Variants in PIEZO2 observed in about 807,000 individuals in gnomAD.
PIEZO2 encodes the protein piezo-type mechanosensitive ion channel component 2.
A neutral mutation model predicts 337.3 loss-of-function variants in PIEZO2; 172 were observed. The observed-to-expected ratio is 0.51, with a 90% CI of 0.45 to 0.58. The LOEUF is 0.58. PIEZO2 is among the 20% of genes least tolerant of loss of function. The pLI, the probability that PIEZO2 is intolerant of heterozygous loss-of-function variation, is 0.00. For synonymous variants in PIEZO2, 1,251 were observed against 1,228.5 expected (o/e 1.02, Z -0.38); for missense variants, 3,028 against 3,391.3 (o/e 0.89, Z 2.66).
chr18:10,841,832 C>A (rs1194817056), intron 7 of PIEZO2, among the ~76,000 whole-genome samples: 1 of 151,638 alleles, frequency 6.6e-6, no homozygotes, highest in African/African-American at 2.4e-5. Flanking sequence ...ATTTTTTTTA[C>A]AGGATTAAAT....
intron 1 of PIEZO2, among the ~76,000 whole-genome samples, chr18:11,139,940 T>C (rs2040595559): frequency 6.6e-6 from 1 of 152,166 alleles, no homozygotes; most frequent in African/African-American, 2.4e-5. Context: ...CCCAATGCCG[T>C]AGGACTCTCA....
At chr18:10,723,489 T>C (rs187029421) in intron 36 of PIEZO2, among the ~76,000 whole-genome samples, 55 of 152,230 alleles carry the variant, frequency 3.6e-4, no homozygotes, top group Middle Eastern at 6.8e-3. Flanking sequence ...AGTGGGGCTG[T>C]AGCTGGAGGA....
chr18:10,807,538 T>C (rs1454988439), intron 7 of PIEZO2, among the ~76,000 whole-genome samples: 2 of 152,216 alleles, frequency 1.3e-5, no homozygotes, highest in Non-Finnish European at 2.9e-5. Flanking sequence ...AACCAGAAGA[T>C]CTTTACATCA....
At chr18:11,079,131 A>C (rs1368686693) in intron 1 of PIEZO2, among the ~76,000 whole-genome samples, 3 of 152,186 alleles carry the variant, frequency 2.0e-5, no homozygotes, top group Non-Finnish European at 4.4e-5. Context: ...GATTTAAAAA[A>C]TCTCAGGTCT....
At chr18:11,065,418 G>C (rs1362850473) in intron 2 of PIEZO2, among the ~76,000 whole-genome samples, 2 of 152,212 alleles carry the variant, frequency 1.3e-5, no homozygotes. Context: ...AATTAACTCA[G>C]TGTGGTTTAA....
At chr18:10,917,781 T>C (rs1172842854) in intron 3 of PIEZO2, among the ~76,000 whole-genome samples, 5 of 152,196 alleles carry the variant, frequency 3.3e-5, no homozygotes, top group African/African-American at 4.8e-5. Flanking sequence ...TTTCACATAC[T>C]GTAGGGGCTG....
chr18:10,811,675 G>C (rs1297068974), intron 7 of PIEZO2, among the ~76,000 whole-genome samples: 1 of 152,174 alleles, frequency 6.6e-6, no homozygotes, highest in Non-Finnish European at 1.5e-5. Context: ...GGCAACAAAA[G>C]TGCACTTTTA....
rs548185964 is a variant in PIEZO2, at chr18:10,773,108, A to C, written c.2785+304T>G. Among the ~76,000 whole-genome samples, 13 of 151,718 alleles carry C rather than the reference A, an allele frequency of 8.6e-5. No homozygotes were observed. Among genetic ancestry groups the C allele is most frequent in the African/African-American group, 3.2e-4 (13 of 40,992 alleles). On this transcript the variant is annotated intron_variant, in intron 20 of 55. Transcript: ENST00000674853. This position sits in a 1 kb window ranked among gnomAD's most constrained non-coding sequence, Gnocchi z 5.3. ...CCAGGTTGTACCTGCATCTGGTAGA[A>C]ACAGAGAGGCTCTGACTGAGGACGT...
intron 35 of PIEZO2, 146 bp from the exon 36 acceptor site, chr18:10,731,667 A>T (rs1598410991): frequency 1.7e-4 from 66 of 383,318 alleles, no homozygotes; most frequent in South Asian, 3.2e-4. Flanking sequence ...ATGAGATTCA[A>T]TTTTTTTTTT....
intron 2 of PIEZO2, among the ~76,000 whole-genome samples, chr18:11,004,874 G>A (rs1213967413): frequency 1.3e-4 from 20 of 152,232 alleles, no homozygotes; most frequent in Admixed American, 1.2e-3. Flanking sequence ...TGACCAGACT[G>A]TAAGCTTCTT....
At position 11,028,418 on chromosome 18, in the gene PIEZO2, A is replaced by C. The variant is rs185596446; in HGVS notation, c.160+37709T>G. On this transcript the variant is annotated intron_variant, in intron 2 of 55. Transcript: ENST00000674853. This position sits in a 1 kb window ranked among gnomAD's most constrained non-coding sequence, Gnocchi z 4.8. ...TGGAAGTACAGGCACGCACATCCAC[A>C]CCTGGGTAATTTTTGTATTTTTAGT... Among the ~76,000 whole-genome samples the C allele has an allele frequency of 1.3e-3, 196 of 151,808 alleles. No individual in the cohort carries two copies. Among genetic ancestry groups the C allele is most frequent in the Non-Finnish European group, 2.0e-3 (139 of 67,942 alleles).
chr18:10,840,988 G>T (rs929866336), intron 7 of PIEZO2, among the ~76,000 whole-genome samples: 1 of 152,176 alleles, frequency 6.6e-6, no homozygotes, highest in Non-Finnish European at 1.5e-5. Flanking sequence ...TAAAGGAAAG[G>T]TTCCTCAATG....
At chr18:10,771,764 G>A (rs1319006143) in intron 20 of PIEZO2, among the ~76,000 whole-genome samples, 1 of 152,200 alleles carries the variant, frequency 6.6e-6, no homozygotes, top group Non-Finnish European at 1.5e-5. Flanking sequence ...ACTGTTCTGA[G>A]TAGAAGGATG....
In PIEZO2 at chr18:11,148,841, C is replaced by A. The variant is rs2040877838; in HGVS notation, c.-253G>T. 2.3e-6 allele frequency: 1 copy of A among 429,706 alleles called. No homozygotes were observed. The highest frequency in any genetic ancestry group is 4.5e-5 in the Admixed American group (1 of 22,066). The allele number at this position is 429,706 out of a possible 1,614,324, so 26.6% of individuals were successfully genotyped here. A position where few individuals can be genotyped will look rare whatever the true frequency, so the allele number is the denominator to read the frequency against. Reference sequence around the variant, plus strand: ...GCGGCCACCTAGCCCGGCGCCCGGCCCCCTGCGGCCGGCCCATTTAGTGTG... The same window carrying A: ...GCGGCCACCTAGCCCGGCGCCCGGCACCCTGCGGCCGGCCCATTTAGTGTG... On this transcript the variant is annotated 5_prime_UTR_variant, in exon 1 of 56. Coordinates refer to ENST00000674853, the MANE Select transcript of PIEZO2 (RefSeq NM_001378183.1). This position sits in a 1 kb window ranked among gnomAD's most constrained non-coding sequence, Gnocchi z 5.2.
chr18:10,835,095 A>C (rs58171325), intron 7 of PIEZO2, among the ~76,000 whole-genome samples: 314 of 152,262 alleles, frequency 2.1e-3, no homozygotes, highest in African/African-American at 6.9e-3. Context: ...CTATCTGTGA[A>C]CCAGGAAGAG....
intron 1 of PIEZO2, among the ~76,000 whole-genome samples, chr18:11,089,478 T>C (rs1383108330): frequency 1.3e-5 from 2 of 152,132 alleles, no homozygotes; most frequent in Admixed American, 6.5e-5. Context: ...GCCCAAACTC[T>C]TGAAATTTGT....
chr18:10,747,309 C>G (rs1289895363), intron 30 of PIEZO2, among the ~76,000 whole-genome samples: 1 of 152,126 alleles, frequency 6.6e-6, no homozygotes, highest in Non-Finnish European at 1.5e-5. Context: ...ATTAGGAGAG[C>G]ACATTGCCTT....
intron 11 of PIEZO2, among the ~76,000 whole-genome samples, chr18:10,798,332 T>G (rs2144247087): frequency 6.6e-6 from 1 of 152,342 alleles, no homozygotes; most frequent in East Asian, 1.9e-4. Flanking sequence ...GGAGAAAGTT[T>G]CTTAGCAGCA....
At chr18:11,144,916 TAGTC>T (rs2040768418) in intron 1 of PIEZO2, among the ~76,000 whole-genome samples, 1 of 152,140 alleles carries the variant, frequency 6.6e-6, no homozygotes, top group Non-Finnish European at 1.5e-5. Flanking sequence ...TGGAATAAAA[TAGTC>T]AGGAACATCA....
Sources: allele counts gnomAD v4.1 joint callset (sites outside exome capture counted in the v4.1 genomes callset), GRCh38; gene constraint gnomAD v4.1.1; non-coding constraint Gnocchi (gnomAD v3.1); transcripts MANE v1.5; gene names NCBI Gene and HGNC (gene_info 2026-07-23, HGNC 2026-07-21).